EFCAB5: variants seen among roughly 807,000 people sequenced by gnomAD.
EFCAB5 encodes the protein EF-hand calcium binding domain 5, also known as EF-hand calcium-binding domain-containing protein 5.
EFCAB5 carries 131 observed loss-of-function variants against 167.9 expected under a neutral mutation model. The observed-to-expected ratio is 0.78, with a 90% CI of 0.68 to 0.90. EFCAB5 has a LOEUF of 0.90. EFCAB5 is among the 40% of genes least tolerant of loss of function. EFCAB5 has a pLI of 0.00. For missense variants in EFCAB5, 1,663 were observed against 1,745.2 expected (o/e 0.95, Z 0.84); for synonymous variants, 574 against 602.8 (o/e 0.95, Z 0.70).
chr17:30,012,009 G>A (rs1405624507), intron 7 of EFCAB5, among the ~76,000 whole-genome samples: 1 of 152,142 alleles, frequency 6.6e-6, no homozygotes, highest in Admixed American at 6.5e-5. Flanking sequence ...GCCATACAGA[G>A]ATAGGAGCTG....
chr17:30,015,556 C>A (rs2069014572), intron 7 of EFCAB5, among the ~76,000 whole-genome samples: 1 of 152,122 alleles, frequency 6.6e-6, no homozygotes, highest in African/African-American at 2.4e-5. Flanking sequence ...GTAGTTGCAC[C>A]ATTTTACATT....
chr17:30,003,978 A>C (rs1191488592), intron 7 of EFCAB5, among the ~76,000 whole-genome samples: 1 of 152,258 alleles, frequency 6.6e-6, no homozygotes, highest in Non-Finnish European at 1.5e-5. Context: ...GCATGCAGAC[A>C]CATTGAAGGG....
chr17:30,091,417 G>C (rs912992374), intron 20 of EFCAB5, among the ~76,000 whole-genome samples: 3 of 152,194 alleles, frequency 2.0e-5, no homozygotes, highest in African/African-American at 4.8e-5. Context: ...CATAGAGTGG[G>C]ATAAGAAGAA....
chr17:29,987,522 G>A (rs1187714118), intron 4 of EFCAB5, among the ~76,000 whole-genome samples: 1 of 152,164 alleles, frequency 6.6e-6, no homozygotes, highest in African/African-American at 2.4e-5. Context: ...TTCTGTAGAT[G>A]CTGTTCAGCT....
intron 14 of EFCAB5, chr17:30,073,020 A>C (rs1297710183): frequency 5.5e-6 from 3 of 546,092 alleles, no homozygotes; most frequent in African/African-American, 4.0e-5. Context: ...TTCACTCTGC[A>C]CTCTGGCTCC....
chr17:29,931,646 G>A (rs1042172953), intron 1 of EFCAB5, among the ~76,000 whole-genome samples: 19 of 152,160 alleles, frequency 1.2e-4, no homozygotes, highest in South Asian at 2.1e-4. Context: ...AACAGGAAAA[G>A]AGAAGGCAAG....
At chr17:30,052,341 A>AT (rs1325449917) in intron 9 of EFCAB5, among the ~76,000 whole-genome samples, 1 of 151,886 alleles carries the variant, frequency 6.6e-6, no homozygotes, top group African/African-American at 2.4e-5. Flanking sequence ...ATTTTTTTGT[A>AT]TTTTTAGTAG....
intron 8 of EFCAB5, 98 bp downstream of exon 8, chr17:30,034,483 G>A: frequency 6.9e-7 from 1 of 1,444,896 alleles, no homozygotes; most frequent in Non-Finnish European, 9.2e-7. Flanking sequence ...TGGATTACTT[G>A]AGCCCAGGAG....
chr17:30,096,677 A>ATATATTTTTTT (rs1193558323), intron 22 of EFCAB5, among the ~76,000 whole-genome samples: 5 of 60,124 alleles, frequency 8.3e-5, no homozygotes, highest in African/African-American at 4.2e-4. Context: ...ATATATATAT[A>ATATATTTTTTT]TTTTTTTTTT....
chr17:29,971,427 CT>C (rs2067953497), intron 4 of EFCAB5, among the ~76,000 whole-genome samples: 1 of 152,126 alleles, frequency 6.6e-6, no homozygotes, highest in Admixed American at 6.5e-5. Context: ...GCATCCTTGT[CT>C]TTTTACAACT....
At chr17:29,980,548 A>G (rs1180255479) in intron 4 of EFCAB5, among the ~76,000 whole-genome samples, 1 of 152,168 alleles carries the variant, frequency 6.6e-6, no homozygotes, top group Non-Finnish European at 1.5e-5. Context: ...TCCATCTTGA[A>G]ATACTTTTTC....
In EFCAB5 at chr17:29,997,515, A is replaced by G. The variant is rs192432496; in HGVS notation, c.973+1155A>G. Among the ~76,000 whole-genome samples the G allele has an allele frequency of 1.8e-3, 275 of 152,222 alleles. 3 individuals are homozygous for G. The highest frequency in any genetic ancestry group is 1.5e-3 in the South Asian group (7 of 4,820). On this transcript the variant is annotated intron_variant, in intron 6 of 22. Coordinates refer to ENST00000394835, the MANE Select transcript of EFCAB5 (RefSeq NM_198529.4). The stretch of plus-strand genomic sequence containing the variant: ...AGGTGTGTTGTATTAGAATTCAGAT[A>G]CAATTTATATTACTCCCTATTACAT...
chr17:29,940,700 A>G (rs1199344479), upstream of EFCAB5, among the ~76,000 whole-genome samples: 2 of 152,222 alleles, frequency 1.3e-5, no homozygotes, highest in African/African-American at 4.8e-5. Context: ...CTCCAAAGGC[A>G]GTACTTTTGG....
upstream of EFCAB5, among the ~76,000 whole-genome samples, chr17:29,941,187 A>G (rs2067293486): frequency 6.6e-6 from 1 of 152,162 alleles, no homozygotes; most frequent in Non-Finnish European, 1.5e-5. Context: ...ATATATATAC[A>G]AACTCTTAAA....
chr17:29,949,421 C>T (rs994837794), intron 3 of EFCAB5, among the ~76,000 whole-genome samples: 1 of 152,162 alleles, frequency 6.6e-6, no homozygotes, highest in African/African-American at 2.4e-5. Context: ...GCTCTTGATT[C>T]TTGGAAAAGT....
intron 20 of EFCAB5, 65 bp from the exon 21 acceptor site, chr17:30,091,806 A>G: frequency 1.3e-6 from 2 of 1,533,024 alleles, no homozygotes; most frequent in Non-Finnish European, 1.8e-6. Context: ...ATCCTATGAA[A>G]AAGTAATGTA....
chr17:29,987,121 A>G (rs1349912602), intron 4 of EFCAB5, among the ~76,000 whole-genome samples: 2 of 152,150 alleles, frequency 1.3e-5, no homozygotes, highest in Non-Finnish European at 1.5e-5. Flanking sequence ...GATCACCACT[A>G]TCATAGCTAT....
At chr17:29,962,282 A>G (rs756561687) in intron 3 of EFCAB5, among the ~76,000 whole-genome samples, 2 of 152,200 alleles carry the variant, frequency 1.3e-5, no homozygotes, top group Non-Finnish European at 2.9e-5. Flanking sequence ...TAGAATTGAT[A>G]TCTTAACAAT....
chr17:30,029,637 A>G (rs976597313), intron 7 of EFCAB5, among the ~76,000 whole-genome samples: 5 of 151,786 alleles, frequency 3.3e-5, no homozygotes, highest in African/African-American at 1.2e-4. Context: ...GGAACACACC[A>G]TTTCTTCAGT....
Sources: allele counts gnomAD v4.1 joint callset (sites outside exome capture counted in the v4.1 genomes callset), GRCh38; gene constraint gnomAD v4.1.1; transcripts MANE v1.5; gene names NCBI Gene and HGNC (gene_info 2026-07-23, HGNC 2026-07-21).